Variants in CHD9 observed in about 807,000 individuals in gnomAD.
CHD9 encodes chromodomain helicase DNA binding protein 9, also known as ATP-dependent chromatin remodeler CHD9.
A neutral mutation model predicts 316.1 loss-of-function variants in CHD9; 77 were observed. The ratio of observed to expected loss-of-function variants is 0.24; its 90% CI spans 0.20 to 0.29. The LOEUF is 0.29. Ranked by LOEUF, CHD9 falls within the 10% of genes least tolerant of loss-of-function variation. CHD9 has a pLI of 1.00. For synonymous variants in CHD9, 1,129 were observed against 1,158.3 expected (o/e 0.97, Z 0.51); for missense variants, 2,763 against 3,438.1 (o/e 0.80, Z 4.91).
At chr16:53,063,475 C>T (rs1487093363) in intron 1 of CHD9, among the ~76,000 whole-genome samples, 1 of 151,868 alleles carries the variant, frequency 6.6e-6, no homozygotes, top group Middle Eastern at 3.2e-3. Flanking sequence ...TTTTTTCTGT[C>T]TCCCTGTATC....
chr16:53,242,791 A>G, intron 12 of CHD9, 49 bp from the exon 13 acceptor site: 1 of 1,517,192 alleles, frequency 6.6e-7, no homozygotes, highest in South Asian at 1.2e-5. Context: ...GGAATAAAAA[A>G]TATGCAATTA....
intron 36 of CHD9, among the ~76,000 whole-genome samples, chr16:53,315,698 T>C (rs145570569): frequency 4.1e-4 from 63 of 152,254 alleles, no homozygotes; most frequent in African/African-American, 1.3e-3. Context: ...AAGGCTGGTC[T>C]CAAACTCCTG....
At chr16:53,294,161 C>T (rs1216940320) in intron 29 of CHD9, among the ~76,000 whole-genome samples, 1 of 152,182 alleles carries the variant, frequency 6.6e-6, no homozygotes, top group Non-Finnish European at 1.5e-5. Flanking sequence ...AAACTTCTCT[C>T]ATTCCACAAG....
At chr16:53,146,419 G>GTATATA (rs757165644) in intron 1 of CHD9, among the ~76,000 whole-genome samples, 2,359 of 76,670 alleles carry the variant, frequency 0.031, 252 homozygotes, top group African/African-American at 0.059. Context: ...GTGTGTGTAT[G>GTATATA]TATATATATA....
chr16:53,071,800 T>C (rs577480040), intron 1 of CHD9, among the ~76,000 whole-genome samples: 1 of 152,312 alleles, frequency 6.6e-6, no homozygotes, highest in East Asian at 1.9e-4. Flanking sequence ...AGAACTGTGC[T>C]GAGGACAAAG....
At chr16:53,187,180 T>G (rs977810502) in intron 2 of CHD9, among the ~76,000 whole-genome samples, 16 of 152,136 alleles carry the variant, frequency 1.1e-4, no homozygotes, top group Admixed American at 1.0e-3. Context: ...AAGTGATAGT[T>G]GAAGCTATGA....
chr16:53,101,706 A>G (rs1158995693), intron 1 of CHD9, among the ~76,000 whole-genome samples: 1 of 152,204 alleles, frequency 6.6e-6, no homozygotes. Context: ...CTAATTTTTA[A>G]TTCATAATAA....
At chr16:53,267,577 T>C (rs2051820064) in intron 21 of CHD9, 87 bp downstream of exon 21, 1 of 973,488 alleles carries the variant, frequency 1.0e-6, no homozygotes, top group African/African-American at 1.7e-5. Flanking sequence ...ATATTTTTTA[T>C]CTTCTTAGAA....
At chr16:53,280,794 G>T (rs1200080545) in intron 24 of CHD9, among the ~76,000 whole-genome samples, 1 of 152,054 alleles carries the variant, frequency 6.6e-6, no homozygotes, top group Non-Finnish European at 1.5e-5. Context: ...TCTTTATCTT[G>T]CATTTTCTAT....
chr16:53,082,953 C>CT, intron 1 of CHD9, among the ~76,000 whole-genome samples: 1 of 152,336 alleles, frequency 6.6e-6, no homozygotes, highest in Non-Finnish European at 1.5e-5. Context: ...CATCAGTCGT[C>CT]TGCCTCCCTT....
intron 1 of CHD9, among the ~76,000 whole-genome samples, chr16:53,145,813 G>T (rs1312859247): frequency 6.6e-6 from 1 of 152,016 alleles, no homozygotes; most frequent in African/African-American, 2.4e-5. Flanking sequence ...CTATAGCAGA[G>T]CATGCTTCAT....
chr16:53,170,049 G>GTTTTTTTTTTTT (rs1402669050), intron 2 of CHD9, among the ~76,000 whole-genome samples: 45 of 127,740 alleles, frequency 3.5e-4, no homozygotes, highest in African/African-American at 1.2e-3. Context: ...GTTTTTTTTT[G>GTTTTTTTTTTTT]TTTTTTTTTG....
intron 2 of CHD9, among the ~76,000 whole-genome samples, chr16:53,176,957 T>A (rs1232458978): frequency 6.6e-5 from 10 of 152,194 alleles, no homozygotes; most frequent in East Asian, 3.9e-4. Context: ...TTATTTAATT[T>A]TATATATATA....
At chr16:53,275,999 C>G (rs970000648) in intron 24 of CHD9, among the ~76,000 whole-genome samples, 5 of 152,152 alleles carry the variant, frequency 3.3e-5, no homozygotes, top group Admixed American at 3.3e-4. Context: ...CAGTGACATC[C>G]TTCCTTCTAA....
chr16:53,152,343 G>A (rs529485169), intron 1 of CHD9, among the ~76,000 whole-genome samples: 16 of 152,270 alleles, frequency 1.1e-4, no homozygotes, highest in African/African-American at 3.9e-4. Flanking sequence ...TGATAAAGTT[G>A]GTTCTGACAC....
chr16:53,100,770 T>C (rs578053007), intron 1 of CHD9, among the ~76,000 whole-genome samples: 5 of 152,258 alleles, frequency 3.3e-5, no homozygotes, highest in Admixed American at 2.0e-4. Context: ...CCAGCTTGAG[T>C]AGAATCTACC....
In CHD9 at chr16:53,230,170, T is replaced by C. The variant is rs377515981; in HGVS notation, c.2286+1070T>C. On this transcript the variant is annotated intron_variant, in intron 8 of 38. Coordinates refer to ENST00000447540, the MANE Select transcript of CHD9 (RefSeq NM_001308319.2). ...TTAGGCATTTTTTAAAAGAACACCA[T>C]AGAAGTGATGCTCTATTCTTCCAGT... 2.6e-5 allele frequency among the ~76,000 whole-genome samples: 4 copies of C among 152,226 alleles called. 1 individual carries two copies. The East Asian group carries it at 5.8e-4, about 22-fold the overall frequency.
intron 1 of CHD9, among the ~76,000 whole-genome samples, chr16:53,146,777 G>C (rs1050809727): frequency 3.4e-4 from 51 of 149,218 alleles, no homozygotes; most frequent in African/African-American, 1.2e-3. Context: ...CTAGCCTGGG[G>C]GACAGAGTGA....
At position 53,314,667 on chromosome 16, in the gene CHD9, G is replaced by C. The variant is rs2056745062; in HGVS notation, c.7362+151G>C. Among the ~76,000 whole-genome samples the C allele has an allele frequency of 2.0e-5, 3 of 152,104 alleles. No individual in the cohort carries two copies. The South Asian group carries it at 6.2e-4, about 31-fold the overall frequency. ...TTTTAGATGATATCTTAGAATCTTA[G>C]CACTGTCCAAGAGTGATAAAAATTT... On this transcript the variant is annotated intron_variant, in intron 35 of 38. Transcript: ENST00000447540.
Sources: gnomAD v4.1 joint callset for allele counts (sites outside exome capture counted in the v4.1 genomes callset) on GRCh38, gnomAD v4.1.1 for gene constraint, MANE v1.5 for transcripts, NCBI Gene and HGNC (gene_info 2026-07-23, HGNC 2026-07-21) for gene names.